Variants in FAM120C observed in about 807,000 individuals in gnomAD.
FAM120C encodes constitutive coactivator of PPAR-gamma-like protein 2.
Under a neutral mutation model 71.2 loss-of-function variants are expected in FAM120C, and 14 were observed. That is an observed-to-expected ratio of 0.20 (90% CI 0.13 to 0.31). The LOEUF is 0.31. Among genes scored for constraint, FAM120C ranks in the 10% least tolerant of loss-of-function variants. The probability of loss-of-function intolerance (pLI) is 1.00; values close to 1 mark genes in which losing one functional copy is unlikely to be tolerated. For synonymous variants in FAM120C, 354 were observed against 353.2 expected, an observed-to-expected ratio of 1.00 and a Z score of -0.03; for missense variants, 500 against 879.0, an observed-to-expected ratio of 0.57 and a Z score of 5.45.
chrX:54,096,338 G>A (rs1347381631), intron 10 of FAM120C, among the ~76,000 whole-genome samples: 3 of 111,512 alleles, frequency 2.7e-5, no homozygotes, highest in Non-Finnish European at 5.6e-5. Context: ...TTGAGCCCAG[G>A]AGGCGGAGGT....
chrX:54,115,225 T>A lies in FAM120C; in HGVS notation c.2312+1320A>T, dbSNP rs946326589. Among the ~76,000 whole-genome samples the A allele has an allele frequency of 8.9e-5, 10 of 112,399 alleles. No individual in the cohort carries two copies. In the Admixed American group the frequency reaches 9.5e-4, roughly 11 times the overall value. On this transcript the variant is annotated intron_variant, in intron 10 of 15. Transcript: ENST00000375180. ...ACATGTGTGTCTGAGTGTACACACA[T>A]ACATATCTGACAAAGAACTTCTGTA...
intron 4 of FAM120C, among the ~76,000 whole-genome samples, chrX:54,149,651 A>G (rs2067175131): frequency 9.0e-6 from 1 of 110,780 alleles, no homozygotes; most frequent in Admixed American, 9.7e-5. Context: ...AAAAAAAAAA[A>G]AAATCACATA....
intron 10 of FAM120C, among the ~76,000 whole-genome samples, chrX:54,095,494 T>C (rs1335469993): frequency 3.7e-5 from 4 of 108,823 alleles, no homozygotes; most frequent in Non-Finnish European, 7.6e-5. Flanking sequence ...TACAGGCTCA[T>C]GTCACAATAC....
At chrX:54,179,331 C>T (rs1383004473) in intron 1 of FAM120C, among the ~76,000 whole-genome samples, 1 of 111,918 alleles carries the variant, frequency 8.9e-6, no homozygotes, top group African/African-American at 3.2e-5. Context: ...GGAATAAAGG[C>T]CCATCTTGTG....
intron 15 of FAM120C, among the ~76,000 whole-genome samples, chrX:54,077,075 CATT>C (rs1218758629): frequency 9.1e-6 from 1 of 110,378 alleles, no homozygotes; most frequent in Non-Finnish European, 1.9e-5. Context: ...CTAGGTGACT[CATT>C]AAAAAAAAAG....
chrX:54,114,758 G>T (rs1392221030), intron 10 of FAM120C, among the ~76,000 whole-genome samples: 2 of 105,163 alleles, frequency 1.9e-5, no homozygotes. Context: ...TTGTTTGTTT[G>T]TTTTTTTGAG....
At chrX:54,074,040 G>A (rs1557120354) in intron 15 of FAM120C, among the ~76,000 whole-genome samples, 2 of 110,299 alleles carry the variant, frequency 1.8e-5, no homozygotes, top group Non-Finnish European at 1.9e-5. Flanking sequence ...TGGCCACACT[G>A]GTCTTGAACT....
chrX:54,111,050 ACT>A (rs1437213676), intron 10 of FAM120C, among the ~76,000 whole-genome samples: 1 of 102,327 alleles, frequency 9.8e-6, no homozygotes, highest in African/African-American at 3.6e-5. Flanking sequence ...ACAGAGCGAG[ACT>A]CTGTCTCAAA....
chrX:54,117,381 A>C (rs1466504325), intron 9 of FAM120C, among the ~76,000 whole-genome samples: 13 of 100,539 alleles, frequency 1.3e-4, no homozygotes, highest in South Asian at 4.6e-4. Flanking sequence ...AAATAAAATA[A>C]AATAAAATAA....
intron 3 of FAM120C, among the ~76,000 whole-genome samples, chrX:54,153,517 C>T (rs781926532): frequency 9.2e-6 from 1 of 108,425 alleles, no homozygotes; most frequent in Non-Finnish European, 1.9e-5. Context: ...AAACAATTCT[C>T]CTGCCTCAGC....
rs782310536 is a variant in FAM120C, at chrX:54,072,734, C to T, written c.*299G>A. On this transcript the variant is annotated 3_prime_UTR_variant, in exon 16 of 16. Coordinates refer to ENST00000375180, the MANE Select transcript of FAM120C (RefSeq NM_017848.6). ...GATGATACCCAATTTCTGACAGCTA[C>T]TGCCTTACTAGGCTCCCAGAGGAGA... The T allele has an allele frequency of 1.0e-3, 212 of 206,501 alleles. No individual in the cohort carries two copies. Among genetic ancestry groups the T allele is most frequent in the African/African-American group, 5.9e-3 (201 of 34,334 alleles). 17.0% of individuals were successfully genotyped at this position (206,501 alleles called of 1,213,427 possible).
chrX:54,119,773 G>A (rs1158014532), intron 9 of FAM120C, among the ~76,000 whole-genome samples: 1 of 52,974 alleles, frequency 1.9e-5, no homozygotes, highest in Non-Finnish European at 3.3e-5. Context: ...TGGTGTTTTG[G>A]ACATGAAGTA....
intron 4 of FAM120C, among the ~76,000 whole-genome samples, chrX:54,140,060 G>A (rs187468290): frequency 2.7e-5 from 3 of 110,515 alleles, no homozygotes; most frequent in African/African-American, 6.6e-5. Flanking sequence ...CTGGGAGGCC[G>A]AGGCGGGCGG....
intron 1 of FAM120C, among the ~76,000 whole-genome samples, chrX:54,180,139 G>T (rs1000709699): frequency 5.4e-5 from 6 of 111,613 alleles, no homozygotes; most frequent in African/African-American, 2.0e-4. Flanking sequence ...TTGACTGATG[G>T]GGTATATAAA....
Position 54,073,169 on chromosome X carries a change from G to A in FAM120C, c.3155C>T (p.Ala1052Val), listed in dbSNP as rs1557120249. 1 of 1,209,235 alleles carries A rather than the reference G, an allele frequency of 8.3e-7. No homozygotes were observed. The highest frequency in any genetic ancestry group is 1.8e-5 in the African/African-American group (1 of 56,985). The change falls in exon 16 of 16, where the codon GCT (alanine) becomes GTT (valine). Residue 1052 changes from alanine (A) to valine (V), a missense_variant. Transcript: ENST00000375180. ...KEEKSDHRLP[A>V]PSQCALSRDS... ...TCTGGATAAGGCACATTGTGATGGA[G>A]CTGGAAGACGATGATCACTCTTCTC... is the stretch of plus-strand genomic sequence containing the variant.
chrX:54,135,510 T>C lies in FAM120C; in HGVS notation c.1335+18A>G. ...ACCTGAGTCTAATGCTATCTCAGGC[T>C]TCTTAAAGGATGCTTACCATTGGCT... is the stretch of plus-strand genomic sequence containing the variant. On this transcript the variant is annotated intron_variant, in intron 6 of 15. Coordinates refer to ENST00000375180, the MANE Select transcript of FAM120C (RefSeq NM_017848.6). 8.3e-7 allele frequency: 1 copy of C among 1,198,511 alleles called. No individual in the cohort carries two copies.
At chrX:54,129,078 G>A (rs1320226992) in intron 9 of FAM120C, among the ~76,000 whole-genome samples, 1 of 106,566 alleles carries the variant, frequency 9.4e-6, no homozygotes, top group Non-Finnish European at 2.0e-5. Flanking sequence ...CCTCCCGGAC[G>A]GGGCGGCCGG....
chrX:54,075,764 A>C (rs2066731919), intron 15 of FAM120C, among the ~76,000 whole-genome samples: 1 of 100,967 alleles, frequency 9.9e-6, no homozygotes, highest in Admixed American at 1.1e-4. Flanking sequence ...ACGCCACTGC[A>C]CTCCAGCCTG....
intron 9 of FAM120C, among the ~76,000 whole-genome samples, chrX:54,127,869 A>G (rs2067036612): frequency 9.0e-6 from 1 of 110,920 alleles, no homozygotes; most frequent in Non-Finnish European, 1.9e-5. Context: ...TTGAGATTAC[A>G]GACGTGAGCC....
Sources: allele counts gnomAD v4.1 joint callset (sites outside exome capture counted in the v4.1 genomes callset), GRCh38; gene constraint gnomAD v4.1.1; transcripts MANE v1.5; gene names NCBI Gene and HGNC (gene_info 2026-07-23, HGNC 2026-07-21).